ZNF341: variants seen among roughly 807,000 people sequenced by gnomAD.
ZNF341 encodes the protein zinc finger protein 341.
ZNF341 carries 52 observed loss-of-function variants against 87.7 expected under a neutral mutation model. That is an observed-to-expected ratio of 0.59 (90% CI 0.47 to 0.75). The LOEUF (loss-of-function observed/expected upper bound fraction) is 0.75, where lower values mean the gene tolerates loss of function less well. ZNF341 is among the 30% of genes least tolerant of loss of function. The probability of loss-of-function intolerance (pLI) is 0.00; values close to 1 mark genes in which losing one functional copy is unlikely to be tolerated. For synonymous variants in ZNF341, 459 were observed against 472.7 expected, an observed-to-expected ratio of 0.97 and a Z score of 0.38; for missense variants, 977 against 1,145.9, an observed-to-expected ratio of 0.85 and a Z score of 2.13.
At chr20:33,782,183 T>C (rs2019760760) in intron 11 of ZNF341, among the ~76,000 whole-genome samples, 1 of 152,190 alleles carries the variant, frequency 6.6e-6, no homozygotes, top group South Asian at 2.1e-4. Flanking sequence ...CAGGAAGTGT[T>C]CCAATTTCTA....
chr20:33,778,036 G>A (rs1364399097), intron 10 of ZNF341, among the ~76,000 whole-genome samples: 2 of 152,194 alleles, frequency 1.3e-5, no homozygotes, highest in East Asian at 1.9e-4. Context: ...GGCATGTGAT[G>A]TTGATTTGCT....
chr20:33,732,258 G>T lies in ZNF341; in HGVS notation c.31+206G>T, dbSNP rs1258795087. On this transcript the variant is annotated intron_variant, in intron 1 of 14. Transcript: ENST00000375200. The surrounding 1 kb of genome is among the most constrained non-coding windows in gnomAD (Gnocchi z 4.5). Reference sequence around the variant, plus strand: ...GAGCTCCGGGGCCGGAACAGCCGGGGAGAGCCAGGCCGGCGGGGAGGGGGC... The same window carrying T: ...GAGCTCCGGGGCCGGAACAGCCGGGTAGAGCCAGGCCGGCGGGGAGGGGGC... 2.0e-5 allele frequency among the ~76,000 whole-genome samples: 3 copies of T among 150,574 alleles called. No homozygotes were observed. Among genetic ancestry groups the T allele is most frequent in the Non-Finnish European group, 4.4e-5 (3 of 67,458 alleles).
At chr20:33,758,678 C>T (rs772013297) in intron 6 of ZNF341, 38 bp from the exon 7 acceptor site, 1 of 1,567,164 alleles carries the variant, frequency 6.4e-7, no homozygotes, top group South Asian at 1.1e-5. Context: ...GAGCTGCACC[C>T]CCAGCCTCAT....
intron 9 of ZNF341, among the ~76,000 whole-genome samples, 169 bp from the exon 10 acceptor site, chr20:33,769,915 A>G (rs1385672632): frequency 6.6e-6 from 1 of 152,138 alleles, no homozygotes; most frequent in Non-Finnish European, 1.5e-5. Context: ...AGTCTCAAAA[A>G]TGAATGAATG....
At chr20:33,758,187 A>G (rs903760161) in intron 6 of ZNF341, among the ~76,000 whole-genome samples, 1 of 152,172 alleles carries the variant, frequency 6.6e-6, no homozygotes, top group African/African-American at 2.4e-5. Flanking sequence ...TGCTCCAGGA[A>G]GGAGGTTAAT....
intron 1 of ZNF341, among the ~76,000 whole-genome samples, chr20:33,738,805 C>T (rs2018745526): frequency 6.6e-6 from 1 of 152,102 alleles, no homozygotes. Flanking sequence ...TGGATGGTTC[C>T]CAGGCACAGT....
In ZNF341 at chr20:33,791,078, A is replaced by G; in HGVS notation, c.2126A>G (p.Tyr709Cys). ...AEHQRAHTGN[Y>C]KFRCAGCAKG... ...CATCAGCGCGCCCACACGGGCAACT[A>G]CAAGTTCCGCTGTGCTGGCTGCGCC... The change falls in exon 15 of 15, where the codon TAC becomes TGC. Residue 709 changes from tyrosine (Y) to cysteine (C), a missense_variant. Around this residue, in one of 3 missense-constraint regions of ZNF341, gnomAD observed 221 missense variants for 212.7 expected, o/e 1.04. Coordinates refer to ENST00000375200, the MANE Select transcript of ZNF341 (RefSeq NM_001282933.2). 6.2e-7 allele frequency: 1 copy of G among 1,613,240 alleles called. No individual in the cohort carries two copies.
At position 33,790,885 on chromosome 20, in the gene ZNF341, AC is replaced by A. The variant is rs2019998863; in HGVS notation, c.2036-102del. The A allele has an allele frequency of 2.9e-6, 4 of 1,366,000 alleles. No individual in the cohort carries two copies. In the Admixed American group the frequency reaches 9.7e-5, roughly 33 times the overall value. 84.6% of individuals were successfully genotyped at this position (1,366,000 alleles called of 1,614,324 possible). A position where few individuals can be genotyped will look rare whatever the true frequency, so the allele number is the denominator to read the frequency against. On this transcript the variant is annotated intron_variant, in intron 14 of 14. Coordinates refer to ENST00000375200, the MANE Select transcript of ZNF341 (RefSeq NM_001282933.2). ...GTGGAGAGAGCTGGGGCCAGATCAC[AC>A]AGGTGCTGGTGGGGAAAGAGCCTGG... is the stretch of plus-strand genomic sequence containing the variant.
In ZNF341 at chr20:33,771,116, C is replaced by T. The variant is rs367917138; in HGVS notation, c.1622+824C>T. Among the ~76,000 whole-genome samples, 8 of 151,374 alleles carry T rather than the reference C, an allele frequency of 5.3e-5. No individual in the cohort carries two copies. In the East Asian group the frequency reaches 5.8e-4, roughly 11 times the overall value. On this transcript the variant is annotated intron_variant, in intron 10 of 14. Coordinates refer to ENST00000375200, the MANE Select transcript of ZNF341 (RefSeq NM_001282933.2). ...CAGCCTGGGCGACAGAGCAACACTC[C>T]GTCTCAAAAAAAATAAAATACAATA...
In ZNF341 at chr20:33,791,485, G is replaced by A. The variant is rs777834913; in HGVS notation, c.2533G>A (p.Ala845Thr). ...GGCCGAGGGCCCATGTGCCATGCTC[G>A]CTGTGCCCGTCTACATCCAGGCCTC... ...AGAEGPCAML[A>T]VPVYIQASE The change falls in exon 15 of 15, where the codon GCT becomes ACT. Residue 845 changes from alanine to threonine, a missense_variant. By Grantham distance (58) the Ala-to-Thr change is moderately conservative. Transcript: ENST00000375200. 2.5e-5 allele frequency: 40 copies of A among 1,583,812 alleles called. No individual in the cohort carries two copies. The highest frequency in any genetic ancestry group is 4.0e-5 in the African/African-American group (3 of 74,594).
rs888570226 is a variant in ZNF341, at chr20:33,732,068, G to A, written c.31+16G>A. ...GCCCTGGAGGGTGAGCGGCGGCGGG[G>A]CCGGCGGAGGCGGCTGTTCCGCGCT... On this transcript the variant is annotated intron_variant, in intron 1 of 14. Coordinates refer to ENST00000375200, the MANE Select transcript of ZNF341 (RefSeq NM_001282933.2). This position sits in a 1 kb window ranked among gnomAD's most constrained non-coding sequence, Gnocchi z 4.5. The A allele has an allele frequency of 5.7e-5, 72 of 1,267,194 alleles. No individual in the cohort carries two copies. The African/African-American group carries it at 1.1e-3, about 19-fold the overall frequency. 78.5% of individuals were successfully genotyped at this position (1,267,194 alleles called of 1,614,324 possible). A position where few individuals can be genotyped will look rare whatever the true frequency, so the allele number is the denominator to read the frequency against.
At chr20:33,734,087 AT>A (rs2018632760) in intron 1 of ZNF341, among the ~76,000 whole-genome samples, 1 of 152,236 alleles carries the variant, frequency 6.6e-6, no homozygotes, top group Non-Finnish European at 1.5e-5. Context: ...TTAAAGAGAA[AT>A]CAGTTCCTAG....
Position 33,791,813 on chromosome 20 carries a change from T to A in ZNF341, c.*296T>A. The A allele has an allele frequency of 2.8e-6, 1 of 362,944 alleles. No homozygotes were observed. The highest frequency in any genetic ancestry group is 1.1e-4 in the South Asian group (1 of 9,426). 22.5% of individuals were successfully genotyped at this position (362,944 alleles called of 1,614,324 possible). ...TGAGCAGCCCAGAGTCCCGCTGGTC[T>A]AGGCTGGTGGTCGGGGCCCCTGGGA... is the stretch of plus-strand genomic sequence containing the variant. On this transcript the variant is annotated 3_prime_UTR_variant, in exon 15 of 15. Coordinates refer to ENST00000375200, the MANE Select transcript of ZNF341 (RefSeq NM_001282933.2).
intron 8 of ZNF341, among the ~76,000 whole-genome samples, chr20:33,765,554 A>AT (rs1466745421): frequency 6.6e-6 from 1 of 151,240 alleles, no homozygotes; most frequent in African/African-American, 2.4e-5. Context: ...AATTTTGTTT[A>AT]TTTTTTGTAG....
chr20:33,774,117 T>TA (rs60445142), intron 10 of ZNF341, among the ~76,000 whole-genome samples: 3,060 of 100,024 alleles, frequency 0.031, 84 homozygotes, highest in African/African-American at 0.096. Context: ...CTGTCTCTAC[T>TA]AAAAAAAAAA....
intron 12 of ZNF341, among the ~76,000 whole-genome samples, chr20:33,785,083 T>G (rs2019825403): frequency 6.6e-6 from 1 of 152,202 alleles, no homozygotes; most frequent in South Asian, 2.1e-4. Flanking sequence ...AATTTTTTAA[T>G]TGCTTTTTAA....
chr20:33,761,675 C>T (rs1256408114), intron 7 of ZNF341, among the ~76,000 whole-genome samples, 187 bp from the exon 8 acceptor site: 1 of 152,188 alleles, frequency 6.6e-6, no homozygotes, highest in African/African-American at 2.4e-5. Flanking sequence ...AGTAACGTGA[C>T]CCGGAACCCA....
chr20:33,739,584 CA>C (rs1388187410), intron 1 of ZNF341, among the ~76,000 whole-genome samples: 2 of 152,276 alleles, frequency 1.3e-5, no homozygotes, highest in African/African-American at 4.8e-5. Flanking sequence ...TATTGCAGAA[CA>C]AAAAAGATAG....
intron 1 of ZNF341, among the ~76,000 whole-genome samples, chr20:33,733,465 G>A (rs1352243158): frequency 6.6e-6 from 1 of 151,040 alleles, no homozygotes; most frequent in South Asian, 2.1e-4. Flanking sequence ...ACTCGATCTC[G>A]TGACCTCGTG....
Sources: gnomAD v4.1 joint callset for allele counts (sites outside exome capture counted in the v4.1 genomes callset) on GRCh38, gnomAD v4.1.1 for gene constraint, gnomAD v4.1.1 regional missense constraint, Gnocchi (gnomAD v3.1) non-coding constraint, MANE v1.5 for transcripts, NCBI Gene and HGNC (gene_info 2026-07-23, HGNC 2026-07-21) for gene names.